MED13: variants seen among roughly 807,000 people sequenced by gnomAD.
MED13 encodes the protein mediator of RNA polymerase II transcription subunit 13.
In MED13, 23 loss-of-function variants were observed where a neutral mutation model predicts 225.2. The ratio of observed to expected loss-of-function variants is 0.10; its 90% CI spans 0.07 to 0.14. The LOEUF (loss-of-function observed/expected upper bound fraction) is 0.14. Among genes scored for constraint, MED13 ranks in the 10% least tolerant of loss-of-function variants. The probability of loss-of-function intolerance (pLI) is 1.00; values close to 1 mark genes in which losing one functional copy is unlikely to be tolerated. For missense variants in MED13, 2,197 were observed against 2,594.5 expected, an observed-to-expected ratio of 0.85 and a Z score of 3.33; for synonymous variants, 942 against 889.2, an observed-to-expected ratio of 1.06 and a Z score of -1.06.
intron 9 of MED13, chr17:62,006,703 G>C (rs1283396757): frequency 3.9e-5 from 6 of 152,250 alleles, no homozygotes; most frequent in Admixed American, 3.3e-4. Context: ...GAGGCCAGTG[G>C]ATCACTTGAG....
In MED13 at chr17:61,944,975, T is replaced by A. The variant is rs2143261087; in HGVS notation, c.*1493A>T. ...AAGTTGTATTGAAGGAGGGGTGAAT[T>A]AAAGTCCCTAAAATTCAAGTCCCTT... On this transcript the variant is annotated 3_prime_UTR_variant, in exon 30 of 30. Coordinates refer to ENST00000397786, the MANE Select transcript of MED13 (RefSeq NM_005121.3). The A allele has an allele frequency of 6.6e-6, 1 of 152,656 alleles. No homozygotes were observed. Among genetic ancestry groups the A allele is most frequent in the South Asian group, 2.1e-4 (1 of 4,818 alleles). The allele number at this position is 152,656 out of a possible 1,614,324, so 9.5% of individuals were successfully genotyped here.
chr17:62,035,422 T>C, intron 4 of MED13, 41 bp downstream of exon 4: 1 of 1,492,868 alleles, frequency 6.7e-7, no homozygotes, highest in Non-Finnish European at 9.1e-7. Context: ...TAAGGATCTT[T>C]CAATAAAAGA....
At chr17:62,045,806 ACTT>A (rs780572653) in intron 3 of MED13, among the ~76,000 whole-genome samples, 8 of 152,154 alleles carry the variant, frequency 5.3e-5, no homozygotes, top group Non-Finnish European at 1.0e-4. Context: ...TTACTCTTAC[ACTT>A]GCGGGATTCT....
intron 3 of MED13, among the ~76,000 whole-genome samples, chr17:62,036,145 C>T (rs1474062938): frequency 6.7e-6 from 1 of 150,090 alleles, no homozygotes; most frequent in Non-Finnish European, 1.5e-5. Flanking sequence ...AAAATAAAGG[C>T]GGACAACAGA....
intron 3 of MED13, among the ~76,000 whole-genome samples, chr17:62,048,047 T>TACATATACATATACATATAC (rs891955999): frequency 6.5e-5 from 9 of 138,518 alleles, no homozygotes; most frequent in African/African-American, 2.4e-4. Flanking sequence ...CATATACATA[T>TACATATACATATACATATAC]ATATATATAT....
chr17:61,961,853 C>A, intron 21 of MED13, 74 bp from the exon 22 acceptor site: 1 of 1,382,578 alleles, frequency 7.2e-7, no homozygotes, highest in South Asian at 1.3e-5. Flanking sequence ...GTCTAAAACT[C>A]TAAAAACTTT....
At chr17:62,021,613 C>T (rs999077262) in intron 8 of MED13, among the ~76,000 whole-genome samples, 4 of 152,186 alleles carry the variant, frequency 2.6e-5, no homozygotes, top group Admixed American at 1.3e-4. Flanking sequence ...TATTCAATCT[C>T]GCTAATGAAA....
At position 61,982,427 on chromosome 17, in the gene MED13, T is replaced by C. The variant is rs371805285; in HGVS notation, c.3576A>G (p.Leu1192=). 1 of 1,614,190 alleles carries C rather than the reference T, an allele frequency of 6.2e-7. No individual in the cohort carries two copies. The highest frequency in any genetic ancestry group is 2.2e-5 in the East Asian group (1 of 44,886). ...EKLSDDLILL[L]QDQCTNLFSP... Reference sequence around the variant, plus strand: ...AAAATAAATTAGTGCACTGATCTTGTAGCAATAATATCAAATCATCAGATA... The same window carrying C: ...AAAATAAATTAGTGCACTGATCTTGCAGCAATAATATCAAATCATCAGATA... Residue 1192 remains leucine, a synonymous_variant, in exon 16 of 30, where the codon CTA becomes CTG. Coordinates refer to ENST00000397786, the MANE Select transcript of MED13 (RefSeq NM_005121.3).
At chr17:61,962,613 T>C in intron 21 of MED13, 139 bp downstream of exon 21, 1 of 622,006 alleles carries the variant, frequency 1.6e-6, no homozygotes, top group Non-Finnish European at 2.7e-6. Flanking sequence ...AGATTTATAT[T>C]ATGATATTAA....
At chr17:62,019,303 T>C (rs2080614269) in intron 8 of MED13, among the ~76,000 whole-genome samples, 1 of 152,224 alleles carries the variant, frequency 6.6e-6, no homozygotes, top group South Asian at 2.1e-4. Flanking sequence ...TTGGAAAATA[T>C]AGTGGATGTC....
intron 8 of MED13, among the ~76,000 whole-genome samples, chr17:62,019,990 C>T (rs1481794662): frequency 3.3e-5 from 5 of 152,008 alleles, no homozygotes; most frequent in South Asian, 4.1e-4. Context: ...GTGATCCGCC[C>T]GCCTCGGCCT....
chr17:62,008,529 G>A (rs2080476240), intron 9 of MED13, among the ~76,000 whole-genome samples: 1 of 151,858 alleles, frequency 6.6e-6, no homozygotes, highest in African/African-American at 2.4e-5. Context: ...GATACCAGAA[G>A]ACAGTAAAGC....
chr17:62,029,579 A>G lies in MED13; in HGVS notation c.1245T>C (p.Phe415=). The change falls in exon 8 of 30, where the codon TTT becomes TTC. Residue 415 remains phenylalanine (F), a synonymous_variant. Transcript: ENST00000397786. ...ATAAKVASWD[F]VEATQRTNCS... Reference sequence around the variant, plus strand: ...AATTTGTTCTTTGTGTGGCTTCAACAAAATCCCAGGATGCCACTTTAGCAG... The same window carrying G: ...AATTTGTTCTTTGTGTGGCTTCAACGAAATCCCAGGATGCCACTTTAGCAG... 1 of 1,614,194 alleles carries G rather than the reference A, an allele frequency of 6.2e-7. No homozygotes were observed. The highest frequency in any genetic ancestry group is 8.5e-7 in the Non-Finnish European group (1 of 1,180,016).
intron 5 of MED13, 150 bp from the exon 6 acceptor site, chr17:62,031,788 TTTC>T (rs2080759529): frequency 1.3e-5 from 6 of 453,466 alleles, no homozygotes; most frequent in African/African-American, 4.0e-5. Context: ...GGCATAAGTT[TTTC>T]TTTTCTTTTT....
chr17:61,959,814 G>A (rs1054008406), intron 23 of MED13, among the ~76,000 whole-genome samples: 4 of 147,020 alleles, frequency 2.7e-5, no homozygotes, highest in African/African-American at 1.0e-4. Flanking sequence ...CTGCAGCCTC[G>A]ACTTCCTGGG....
intron 5 of MED13, among the ~76,000 whole-genome samples, chr17:62,033,046 A>G (rs953720568): frequency 1.3e-5 from 2 of 152,134 alleles, no homozygotes; most frequent in African/African-American, 4.8e-5. Flanking sequence ...GCTACTCTCA[A>G]GACTGAGGCA....
At chr17:61,951,652 T>C (rs1444523680) in intron 27 of MED13, among the ~76,000 whole-genome samples, 1 of 152,242 alleles carries the variant, frequency 6.6e-6, no homozygotes, top group African/African-American at 2.4e-5. Flanking sequence ...AACCTCATTA[T>C]ACTTATTGAA....
rs758442136 is a variant in MED13, at chr17:61,950,836, G to A, written c.6280C>T (p.Leu2094Phe). The stretch of plus-strand genomic sequence containing the variant: ...AGAAATGGCAATACCTTAAGAAAAA[G>A]GGGACACTGATATTGTGCTTGAGGA... ...ACPQAQYQCP[L>F]FLKASLHLHV... Residue 2094 changes from leucine to phenylalanine, a missense_variant, in exon 28 of 30, where the codon CTT (leucine) becomes TTT (phenylalanine). Coordinates refer to ENST00000397786, the MANE Select transcript of MED13 (RefSeq NM_005121.3). 6.8e-6 allele frequency: 11 copies of A among 1,610,310 alleles called. No homozygotes were observed. Among genetic ancestry groups the A allele is most frequent in the South Asian group, 6.6e-5 (6 of 90,412 alleles).
chr17:62,027,388 A>G (rs537942009), intron 8 of MED13, among the ~76,000 whole-genome samples: 5 of 152,352 alleles, frequency 3.3e-5, no homozygotes, highest in African/African-American at 1.2e-4. Flanking sequence ...TCATATGCAG[A>G]TGACTGAAAT....
Sources: gnomAD v4.1 joint callset for allele counts (sites outside exome capture counted in the v4.1 genomes callset) on GRCh38, gnomAD v4.1.1 for gene constraint, MANE v1.5 for transcripts, NCBI Gene and HGNC (gene_info 2026-07-23, HGNC 2026-07-21) for gene names.